HIVEP2: variants seen among roughly 807,000 people sequenced by gnomAD.
HIVEP2 encodes the protein transcription factor HIVEP2.
A neutral mutation model predicts 180.7 loss-of-function variants in HIVEP2; 14 were observed. That is an observed-to-expected ratio of 0.08 (90% CI 0.05 to 0.12). HIVEP2 has a LOEUF of 0.12. Ranked by LOEUF, HIVEP2 falls within the 10% of genes least tolerant of loss-of-function variation. The pLI, the probability that HIVEP2 is intolerant of heterozygous loss-of-function variation, is 1.00. For synonymous variants in HIVEP2, 1,184 were observed against 1,136.4 expected, an observed-to-expected ratio of 1.04 and a Z score of -0.84; for missense variants, 2,579 against 3,008.5, an observed-to-expected ratio of 0.86 and a Z score of 3.34.
chr6:142,790,011 A>ATAATTACT (rs1326280734), intron 2 of HIVEP2, among the ~76,000 whole-genome samples: 1 of 152,230 alleles, frequency 6.6e-6, no homozygotes, highest in Non-Finnish European at 1.5e-5. Context: ...CAAAGCAAAA[A>ATAATTACT]TAATTACTTA....
chr6:142,836,958 C>T lies in HIVEP2; in HGVS notation c.-551G>A, dbSNP rs1033491957. 6.6e-5 allele frequency: 10 copies of T among 151,994 alleles called. No individual in the cohort carries two copies. Among genetic ancestry groups the T allele is most frequent in the Admixed American group, 3.9e-4 (6 of 15,250 alleles). The allele number at this position is 151,994 out of a possible 1,614,324, so 9.4% of individuals were successfully genotyped here. A position where few individuals can be genotyped will look rare whatever the true frequency, so the allele number is the denominator to read the frequency against. On this transcript the variant is annotated 5_prime_UTR_variant, in exon 2 of 10. Transcript: ENST00000367603. ...ACCTAGTGGCTGTATGTTAAAGCAT[C>T]GGTAAAAGAGCATTCCAACCAAATC...
At chr6:142,818,685 A>G (rs1456903330) in intron 2 of HIVEP2, among the ~76,000 whole-genome samples, 1 of 117,548 alleles carries the variant, frequency 8.5e-6, no homozygotes, top group African/African-American at 3.4e-5. Flanking sequence ...AAAGAAAGAG[A>G]GAGAGACAAG....
rs187847865 is a variant in HIVEP2 at position 142,776,845 on chromosome 6, T to G, written c.-432-654A>C. On this transcript the variant is annotated intron_variant, in intron 3 of 9. Coordinates refer to ENST00000367603, the MANE Select transcript of HIVEP2 (RefSeq NM_006734.4). Reference sequence around the variant, plus strand: ...ACCTCGCCTGGATGAAAATAGTGGGTTTTTTTTTCTGATAGGTTTGAATGT... The same window carrying G: ...ACCTCGCCTGGATGAAAATAGTGGGGTTTTTTTTCTGATAGGTTTGAATGT... Among the ~76,000 whole-genome samples the G allele has an allele frequency of 3.3e-3, 488 of 150,112 alleles. 1 individual carries two copies. Among genetic ancestry groups the G allele is most frequent in the African/African-American group, 0.011 (431 of 40,094 alleles).
Position 142,771,654 on chromosome 6 carries a change from G to A in HIVEP2, c.3085C>T (p.Arg1029Cys), listed in dbSNP as rs1443772947. The A allele has an allele frequency of 9.3e-6, 15 of 1,614,034 alleles. No individual in the cohort carries two copies. The highest frequency in any genetic ancestry group is 1.3e-5 in the African/African-American group (1 of 74,914). The change falls in exon 5 of 10, where the codon CGC (arginine) becomes TGC (cysteine). Residue 1029 changes from arginine (R) to cysteine (C), a missense_variant. This residue lies in a region of HIVEP2 where 523 missense variants were observed against 577.0 expected (regional missense o/e 0.91). Coordinates refer to ENST00000367603, the MANE Select transcript of HIVEP2 (RefSeq NM_006734.4). This position sits in a 1 kb window ranked among gnomAD's most constrained non-coding sequence, Gnocchi z 5.4. ...CAAGGCATCTGCTCTGATGAGCAGC[G>A]TCGCATCTCTTTCTGGTGGTGATGG... ...PGHHHQKEMRRCSSEQMPCPH... is the reference protein window; with the variant it reads ...PGHHHQKEMRCCSSEQMPCPH...
At chr6:142,782,366 A>G (rs532682341) in intron 3 of HIVEP2, among the ~76,000 whole-genome samples, 1 of 152,336 alleles carries the variant, frequency 6.6e-6, no homozygotes, top group South Asian at 2.1e-4. Flanking sequence ...CCCACGAGTC[A>G]CTTAGACACT....
intron 3 of HIVEP2, among the ~76,000 whole-genome samples, chr6:142,777,648 C>CAAAAAAAA (rs58304452): frequency 3.6e-4 from 10 of 27,708 alleles, no homozygotes; most frequent in Non-Finnish European, 3.4e-4. Flanking sequence ...AACTCCATCT[C>CAAAAAAAA]AAAAAAAAAA....
At chr6:142,806,398 T>C (rs1415669530) in intron 2 of HIVEP2, among the ~76,000 whole-genome samples, 1 of 152,202 alleles carries the variant, frequency 6.6e-6, no homozygotes, top group Non-Finnish European at 1.5e-5. Flanking sequence ...TAAACTTGCT[T>C]TCACTTTACT....
At chr6:142,904,289 C>T (rs975925225) in intron 1 of HIVEP2, among the ~76,000 whole-genome samples, 1 of 152,196 alleles carries the variant, frequency 6.6e-6, no homozygotes, top group Non-Finnish European at 1.5e-5. Flanking sequence ...CTGTTTTATA[C>T]ATTTACCTTT....
At position 142,832,327 on chromosome 6, in the gene HIVEP2, GAC is replaced by G. The variant is rs1299340671; in HGVS notation, c.-528+4606_-528+4607del. Among the ~76,000 whole-genome samples the G allele has an allele frequency of 2.6e-5, 4 of 151,730 alleles. No homozygotes were observed. In the East Asian group the frequency reaches 7.7e-4, roughly 29 times the overall value. ...AATCACCATTTTTAAGAATAAAGAA[GAC>G]ACAAGCAATTTACAGTGCAGGCATA... On this transcript the variant is annotated intron_variant, in intron 2 of 9. Coordinates refer to ENST00000367603, the MANE Select transcript of HIVEP2 (RefSeq NM_006734.4).
intron 3 of HIVEP2, among the ~76,000 whole-genome samples, chr6:142,780,307 A>G (rs1423570215): frequency 6.6e-6 from 1 of 152,224 alleles, no homozygotes; most frequent in Non-Finnish European, 1.5e-5. Flanking sequence ...AGGTCCCAGC[A>G]CTACAGGGAC....
chr6:142,912,325 A>C (rs1777430874), intron 1 of HIVEP2, among the ~76,000 whole-genome samples: 1 of 152,200 alleles, frequency 6.6e-6, no homozygotes, highest in Non-Finnish European at 1.5e-5. Context: ...ATCTAGTTCC[A>C]AACACATGCT....
chr6:142,862,804 G>T (rs1452242599), intron 1 of HIVEP2, among the ~76,000 whole-genome samples: 6 of 128,184 alleles, frequency 4.7e-5, no homozygotes, highest in African/African-American at 8.9e-5. Flanking sequence ...AATATATTTA[G>T]ATATCATATA....
intron 1 of HIVEP2, among the ~76,000 whole-genome samples, chr6:142,854,486 C>A (rs1408302643): frequency 6.6e-6 from 1 of 152,210 alleles, no homozygotes; most frequent in Non-Finnish European, 1.5e-5. Flanking sequence ...ATTACTCAAA[C>A]TTCATCCTAA....
At chr6:142,810,005 G>A (rs895118803) in intron 2 of HIVEP2, among the ~76,000 whole-genome samples, 1 of 152,188 alleles carries the variant, frequency 6.6e-6, no homozygotes, top group African/African-American at 2.4e-5. Flanking sequence ...TTTACAGTCA[G>A]GCAGCCCCAG....
intron 2 of HIVEP2, among the ~76,000 whole-genome samples, chr6:142,821,751 C>T (rs957810372): frequency 6.6e-6 from 1 of 152,182 alleles, no homozygotes; most frequent in African/African-American, 2.4e-5. Context: ...ACTCACATTG[C>T]TTGAAACACC....
chr6:142,808,939 T>C (rs1179586330), intron 2 of HIVEP2, among the ~76,000 whole-genome samples: 1 of 152,122 alleles, frequency 6.6e-6, no homozygotes, highest in Non-Finnish European at 1.5e-5. Flanking sequence ...TCTTCTTCCA[T>C]TAACATTTGA....
intron 1 of HIVEP2, among the ~76,000 whole-genome samples, chr6:142,936,669 T>C (rs1303860315): frequency 3.9e-5 from 6 of 152,208 alleles, no homozygotes; most frequent in Non-Finnish European, 8.8e-5. Context: ...CATTAGTGAT[T>C]TAATAAGTCT....
chr6:142,811,009 C>T (rs946795874), intron 2 of HIVEP2, among the ~76,000 whole-genome samples: 1 of 152,154 alleles, frequency 6.6e-6, no homozygotes, highest in Non-Finnish European at 1.5e-5. Context: ...CAAACATTAA[C>T]TATGTAAGCG....
chr6:142,778,434 C>T (rs531389872), intron 3 of HIVEP2, among the ~76,000 whole-genome samples: 2 of 152,288 alleles, frequency 1.3e-5, no homozygotes, highest in South Asian at 4.1e-4. Flanking sequence ...AAATATACTA[C>T]ATTTTCAATT....
Sources: allele counts gnomAD v4.1 joint callset (sites outside exome capture counted in the v4.1 genomes callset), GRCh38; gene constraint gnomAD v4.1.1; regional missense constraint gnomAD v4.1.1; non-coding constraint Gnocchi (gnomAD v3.1); transcripts MANE v1.5; gene names NCBI Gene and HGNC (gene_info 2026-07-23, HGNC 2026-07-21).